Variants in XYLB observed in about 807,000 individuals in gnomAD.
The protein encoded by XYLB is xylulose kinase.
XYLB carries 62 observed loss-of-function variants against 78.7 expected under a neutral mutation model. The observed-to-expected ratio is 0.79, with a 90% CI of 0.64 to 0.97. XYLB has a LOEUF of 0.97. XYLB is among the 50% of genes least tolerant of loss of function. The probability of loss-of-function intolerance (pLI) is 0.00; values close to 1 mark genes in which losing one functional copy is unlikely to be tolerated. For synonymous variants in XYLB, 245 were observed against 247.4 expected, an observed-to-expected ratio of 0.99 and a Z score of 0.09; for missense variants, 687 against 676.8, an observed-to-expected ratio of 1.02 and a Z score of -0.17.
downstream of XYLB, among the ~76,000 whole-genome samples, chr3:38,421,848 G>A (rs1455338426): frequency 1.3e-5 from 2 of 152,092 alleles, no homozygotes; most frequent in Admixed American, 1.3e-4. Flanking sequence ...CTGACCCTCC[G>A]AATCTTTCTT....
intron 18 of XYLB, 186 bp downstream of exon 18, chr3:38,401,171 T>G (rs574331128): frequency 3.3e-6 from 2 of 608,636 alleles, no homozygotes; most frequent in South Asian, 4.0e-5. Flanking sequence ...TCACAGATAC[T>G]GCTGATTTTA....
At chr3:38,394,944 T>C (rs1026058277) in intron 15 of XYLB, among the ~76,000 whole-genome samples, 3 of 152,188 alleles carry the variant, frequency 2.0e-5, no homozygotes, top group African/African-American at 7.2e-5. Flanking sequence ...AAGTGAGTGA[T>C]CCAAGAGAGC....
chr3:38,403,785 G>A (rs1025145094), intron 18 of XYLB, among the ~76,000 whole-genome samples: 15 of 152,062 alleles, frequency 9.9e-5, no homozygotes, highest in African/African-American at 2.7e-4. Context: ...TCTAGAGTAC[G>A]GAGTGGCCAA....
chr3:38,405,593 C>T (rs951144338), intron 18 of XYLB, among the ~76,000 whole-genome samples: 2 of 152,164 alleles, frequency 1.3e-5, no homozygotes, highest in South Asian at 2.1e-4. Context: ...TTGCCTCACT[C>T]GAGAAGTGCA....
At chr3:38,448,767 G>T in the XYLB span, among the ~76,000 whole-genome samples, 6 of 152,118 alleles carry the variant, frequency 3.9e-5, no homozygotes, top group Admixed American at 3.9e-4. Context: ...TTATTATCTA[G>T]GGCTGGTTTA....
the XYLB span, among the ~76,000 whole-genome samples, chr3:38,446,593 A>G: frequency 6.6e-6 from 1 of 152,246 alleles, no homozygotes; most frequent in Non-Finnish European, 1.5e-5. Context: ...GGAACAGAAT[A>G]GAGAACCCAG....
chr3:38,351,776 A>G (rs1197635477), intron 2 of XYLB, among the ~76,000 whole-genome samples: 2 of 152,218 alleles, frequency 1.3e-5, no homozygotes. Flanking sequence ...ATAATTATGT[A>G]TGCTTTTTTA....
intron 14 of XYLB, among the ~76,000 whole-genome samples, chr3:38,378,391 G>T (rs543467211): frequency 5.9e-5 from 9 of 152,350 alleles, no homozygotes; most frequent in African/African-American, 1.9e-4. Context: ...TGCTGTCTAG[G>T]AGGGAGAGGG....
rs1326074278 is a variant in XYLB, at chr3:38,407,236, C to T, written c.1534-5700C>T. On this transcript the variant is annotated intron_variant, in intron 18 of 18. Coordinates refer to ENST00000207870, the MANE Select transcript of XYLB (RefSeq NM_005108.4). ...AGAGTGGGGGCCAATATTCAACATT[C>T]TTAAAGAAAAGAATTTTCAACCCAG... 2.0e-5 allele frequency among the ~76,000 whole-genome samples: 3 copies of T among 149,782 alleles called. No homozygotes were observed. In the East Asian group the frequency reaches 5.8e-4, roughly 29 times the overall value.
chr3:38,386,254 G>C (rs910810146), intron 15 of XYLB, among the ~76,000 whole-genome samples: 1 of 151,984 alleles, frequency 6.6e-6, no homozygotes, highest in African/African-American at 2.4e-5. Flanking sequence ...GCAGCCTCTT[G>C]AATCTGCCCC....
intron 15 of XYLB, among the ~76,000 whole-genome samples, chr3:38,393,735 C>T (rs919175539): frequency 6.6e-6 from 1 of 152,074 alleles, no homozygotes; most frequent in Non-Finnish European, 1.5e-5. Context: ...CTGTGTGTCC[C>T]TGTGTCTTCA....
At chr3:38,447,903 A>G in the XYLB span, among the ~76,000 whole-genome samples, 2 of 152,166 alleles carry the variant, frequency 1.3e-5, no homozygotes, top group Non-Finnish European at 2.9e-5. Context: ...TACACAATGA[A>G]ATACTATTCG....
chr3:38,406,927 G>A (rs1184114680), intron 18 of XYLB, among the ~76,000 whole-genome samples: 55 of 151,366 alleles, frequency 3.6e-4, no homozygotes, highest in African/African-American at 8.0e-4. Flanking sequence ...TGAAAGTGAC[G>A]GGGAGAATGG....
downstream of XYLB, among the ~76,000 whole-genome samples, chr3:38,425,455 G>C (rs1709081277): frequency 6.6e-6 from 1 of 152,328 alleles, no homozygotes; most frequent in East Asian, 1.9e-4. Context: ...AATGATTATA[G>C]GAATGGTGAT....
chr3:38,390,597 A>G (rs983850754), intron 15 of XYLB, among the ~76,000 whole-genome samples: 1 of 152,174 alleles, frequency 6.6e-6, no homozygotes, highest in African/African-American at 2.4e-5. Flanking sequence ...ATCACGGCTC[A>G]TTGCAGCCTT....
Position 38,347,213 on chromosome 3 carries a change from G to T in XYLB, c.57+288G>T, listed in dbSNP as rs571631830. Among the ~76,000 whole-genome samples, 3 of 152,322 alleles carry T rather than the reference G, an allele frequency of 2.0e-5. No homozygotes were observed. The East Asian group carries it at 5.8e-4, about 29-fold the overall frequency. ...GGCGCTCCTCGGCAGGACCCCCGGTGCCCAGAGGGGCCGGAGGACTCGGCG... is the reference window on the plus strand; with the variant it reads ...GGCGCTCCTCGGCAGGACCCCCGGTTCCCAGAGGGGCCGGAGGACTCGGCG... On this transcript the variant is annotated intron_variant, in intron 1 of 18. Coordinates refer to ENST00000207870, the MANE Select transcript of XYLB (RefSeq NM_005108.4).
chr3:38,396,111 G>C (rs1707859674), intron 16 of XYLB, among the ~76,000 whole-genome samples: 1 of 152,236 alleles, frequency 6.6e-6, no homozygotes, highest in Non-Finnish European at 1.5e-5. Context: ...TGCCTTAACT[G>C]TTAGAGTAAC....
At chr3:38,423,724 G>C (rs902172603), downstream of XYLB, among the ~76,000 whole-genome samples, 14 of 152,166 alleles carry the variant, frequency 9.2e-5, no homozygotes, top group African/African-American at 3.4e-4. Context: ...AATTTTCACA[G>C]TGTTACATTA....
intron 17 of XYLB, among the ~76,000 whole-genome samples, chr3:38,400,242 C>T (rs531581579): frequency 4.1e-4 from 63 of 152,186 alleles, no homozygotes; most frequent in Non-Finnish European, 7.2e-4. Flanking sequence ...AGTGGTGACC[C>T]GGAGAGACAC....
Sources: allele counts gnomAD v4.1 joint callset (sites outside exome capture counted in the v4.1 genomes callset), GRCh38; gene constraint gnomAD v4.1.1; transcripts MANE v1.5; gene names NCBI Gene and HGNC (gene_info 2026-07-23, HGNC 2026-07-21).